The following EFTUD2 variants were observed in gnomAD, a reference collection of about 807,000 sequenced individuals.
EFTUD2 encodes 116 kDa U5 small nuclear ribonucleoprotein component.
In EFTUD2, 9 loss-of-function variants were observed where a neutral mutation model predicts 114.3. That is an observed-to-expected ratio of 0.08 (90% CI 0.05 to 0.14). EFTUD2 has a LOEUF of 0.14. EFTUD2 is among the 10% of genes least tolerant of loss of function. The pLI, the probability that EFTUD2 is intolerant of heterozygous loss-of-function variation, is 1.00. For missense variants in EFTUD2, 765 were observed against 1,241.2 expected, an observed-to-expected ratio of 0.62 and a Z score of 5.76; for synonymous variants, 449 against 462.3, an observed-to-expected ratio of 0.97 and a Z score of 0.37.
chr17:44,881,571 G>C (rs1319283712), intron 7 of EFTUD2, 116 bp downstream of exon 7: 10 of 1,082,946 alleles, frequency 9.2e-6, no homozygotes, highest in Non-Finnish European at 1.4e-5. Flanking sequence ...GAAGTGGAGA[G>C]AGAGGAGTAG....
chr17:44,851,884 A>C (rs1207066445), intron 26 of EFTUD2, 67 bp from the exon 27 acceptor site: 7 of 1,321,292 alleles, frequency 5.3e-6, no homozygotes, highest in Non-Finnish European at 7.3e-6. Flanking sequence ...CAGAAGCAGG[A>C]CTCTTCTTAT....
intron 1 of EFTUD2, among the ~76,000 whole-genome samples, chr17:44,898,199 TGAA>T (rs2051429301): frequency 6.6e-6 from 1 of 152,098 alleles, no homozygotes; most frequent in South Asian, 2.1e-4. Flanking sequence ...GTCAAGGGAT[TGAA>T]GAAATTATTT....
intron 1 of EFTUD2, among the ~76,000 whole-genome samples, chr17:44,894,899 T>G (rs574311773): frequency 6.6e-6 from 1 of 152,362 alleles, no homozygotes; most frequent in Admixed American, 6.5e-5. Context: ...ATACTAAATT[T>G]AATTTTAAAA....
intron 20 of EFTUD2, among the ~76,000 whole-genome samples, chr17:44,856,773 C>A (rs866979438): frequency 0.041 from 5,731 of 140,772 alleles, 183 homozygotes; most frequent in Non-Finnish European, 0.066. Flanking sequence ...AAAAAAAAAA[C>A]AAAAAAACAA....
intron 6 of EFTUD2, 67 bp from the exon 7 acceptor site, chr17:44,881,789 C>A: frequency 7.1e-7 from 1 of 1,403,946 alleles, no homozygotes; most frequent in South Asian, 1.2e-5. Context: ...AACCATCAAT[C>A]ACTTTCCCTC....
chr17:44,852,782 G>A (rs903773913), intron 25 of EFTUD2, among the ~76,000 whole-genome samples: 4 of 152,220 alleles, frequency 2.6e-5, no homozygotes, highest in Admixed American at 2.6e-4. Context: ...GAGGACAGGA[G>A]TGGGATGGTG....
intron 1 of EFTUD2, 137 bp downstream of exon 1, chr17:44,899,232 C>T (rs73986418): frequency 1.1e-4 from 17 of 152,318 alleles, no homozygotes; most frequent in African/African-American, 4.1e-4. Flanking sequence ...TTCTTTTTCC[C>T]GCTCCAGGCC....
chr17:44,854,284 G>C lies in EFTUD2; in HGVS notation c.2332C>G (p.Pro778Ala), dbSNP rs149178862. ...QGFQWGTREG[P>A]LCDELIRNVK... ...GTGGACTTACATTCATCACAGAGGG[G>C]GCCCTCCCTGGTTCCCCACTGGAAA... Residue 778 changes from proline (P) to alanine (A), a missense_variant, in exon 23 of 28, where the codon CCC becomes GCC. Around this residue, in one of 6 missense-constraint regions of EFTUD2, gnomAD observed 166 missense variants for 401.5 expected, o/e 0.41. Coordinates refer to ENST00000426333, the MANE Select transcript of EFTUD2 (RefSeq NM_004247.4). This position sits in a 1 kb window ranked among gnomAD's most constrained non-coding sequence, Gnocchi z 4.3. The C allele has an allele frequency of 6.2e-7, 1 of 1,613,474 alleles. No homozygotes were observed. The highest frequency in any genetic ancestry group is 8.5e-7 in the Non-Finnish European group (1 of 1,179,802).
intron 20 of EFTUD2, 25 bp downstream of exon 20, chr17:44,857,050 C>G: frequency 6.2e-7 from 1 of 1,605,448 alleles, no homozygotes; most frequent in Non-Finnish European, 8.5e-7. Context: ...GCTGCAGTCC[C>G]AGGGACACTG....
intron 6 of EFTUD2, among the ~76,000 whole-genome samples, chr17:44,882,098 C>G (rs1398365018): frequency 6.6e-6 from 1 of 152,092 alleles, no homozygotes; most frequent in African/African-American, 2.4e-5. Flanking sequence ...CCATGCTCAG[C>G]TAATTTTGTA....
chr17:44,884,804 T>C (rs896796872), intron 4 of EFTUD2, among the ~76,000 whole-genome samples: 1 of 152,132 alleles, frequency 6.6e-6, no homozygotes, highest in East Asian at 1.9e-4. Flanking sequence ...GACACATCTA[T>C]TGAGCCTGGG....
Position 44,854,242 on chromosome 17 carries a change from G to A in EFTUD2, c.2347+27C>T. ...CTGGCTGCAAGGACCCTCGAGGACTGGGGTGGGGGAGTGCTGGTGGACTTA... is the reference window on the plus strand; with the variant it reads ...CTGGCTGCAAGGACCCTCGAGGACTAGGGTGGGGGAGTGCTGGTGGACTTA... On this transcript the variant is annotated intron_variant, in intron 23 of 27. Coordinates refer to ENST00000426333, the MANE Select transcript of EFTUD2 (RefSeq NM_004247.4). The surrounding 1 kb of genome is among the most constrained non-coding windows in gnomAD (Gnocchi z 4.3). 1 of 1,597,732 alleles carries A rather than the reference G, an allele frequency of 6.3e-7. No homozygotes were observed. The highest frequency in any genetic ancestry group is 8.5e-7 in the Non-Finnish European group (1 of 1,170,216).
intron 1 of EFTUD2, among the ~76,000 whole-genome samples, chr17:44,894,855 C>T (rs1469941045): frequency 6.6e-6 from 1 of 152,222 alleles, no homozygotes; most frequent in Non-Finnish European, 1.5e-5. Flanking sequence ...GCTCCAAAGC[C>T]AAAAGAGGAG....
At chr17:44,876,916 G>C (rs545662255) in intron 9 of EFTUD2, among the ~76,000 whole-genome samples, 1 of 149,820 alleles carries the variant, frequency 6.7e-6, no homozygotes, top group African/African-American at 2.5e-5. Context: ...TGCTAGGCTA[G>C]GTGCAGTCAC....
intron 2 of EFTUD2, chr17:44,894,035 G>A (rs141041711): frequency 2.2e-4 from 38 of 175,150 alleles, no homozygotes; most frequent in African/African-American, 8.6e-4. Context: ...GTGCCACTGC[G>A]CTCCTGCCTG....
At chr17:44,898,756 A>AT (rs1378750272) in intron 1 of EFTUD2, among the ~76,000 whole-genome samples, 1 of 152,220 alleles carries the variant, frequency 6.6e-6, no homozygotes, top group Non-Finnish European at 1.5e-5. Context: ...CTATTCACAA[A>AT]TGTTATACAT....
intron 27 of EFTUD2, 74 bp downstream of exon 27, chr17:44,851,636 A>G: frequency 7.1e-7 from 1 of 1,406,766 alleles, no homozygotes; most frequent in South Asian, 1.4e-5. Context: ...AGGGGCCAAA[A>G]GAAAGAGAGA....
At chr17:44,856,758 C>CAAAA (rs551023404) in intron 20 of EFTUD2, among the ~76,000 whole-genome samples, 8 of 124,816 alleles carry the variant, frequency 6.4e-5, no homozygotes, top group Non-Finnish European at 1.0e-4. Context: ...CAGCCTGTGT[C>CAAAA]AAAAAAAAAA....
intron 10 of EFTUD2, among the ~76,000 whole-genome samples, chr17:44,875,058 G>A (rs2050920781): frequency 6.6e-6 from 1 of 152,154 alleles, no homozygotes. Flanking sequence ...GGTATGTGGT[G>A]AAGAGGAGGC....
Sources: allele counts gnomAD v4.1 joint callset (sites outside exome capture counted in the v4.1 genomes callset), GRCh38; gene constraint gnomAD v4.1.1; regional missense constraint gnomAD v4.1.1; non-coding constraint Gnocchi (gnomAD v3.1); transcripts MANE v1.5; gene names NCBI Gene and HGNC (gene_info 2026-07-23, HGNC 2026-07-21).